The following CPS1 variants were observed in gnomAD, a reference collection of about 807,000 sequenced individuals.
CPS1 encodes the protein carbamoyl-phosphate synthase 1.
In CPS1, 109 loss-of-function variants were observed where a neutral mutation model predicts 174.6. The ratio of observed to expected loss-of-function variants is 0.62; its 90% confidence interval spans 0.53 to 0.73. CPS1 has a LOEUF of 0.73. CPS1 is among the 30% of genes least tolerant of loss of function. The pLI, the probability that CPS1 is intolerant of heterozygous loss-of-function variation, is 0.00. For synonymous variants in CPS1, 637 were observed against 632.0 expected, an observed-to-expected ratio of 1.01 and a Z score of -0.12; for missense variants, 1,689 against 1,821.9, an observed-to-expected ratio of 0.93 and a Z score of 1.33.
chr2:210,495,895 T>G (rs1157818548), intron 1 of CPS1, among the ~76,000 whole-genome samples: 1 of 151,932 alleles, frequency 6.6e-6, no homozygotes, highest in Non-Finnish European at 1.5e-5. Context: ...CATGAAGGGA[T>G]AGAGTGCCAT....
In CPS1 at chr2:210,573,366, C is replaced by T. The variant is rs192759073; in HGVS notation, c.195C>T (p.Ser65=). 1,002 of 1,613,178 alleles carry T rather than the reference C, an allele frequency of 6.2e-4. 4 individuals are homozygous for T. The East Asian group carries it at 7.8e-3, about 13-fold the overall frequency. Residue 65 remains serine (S), a synonymous_variant, in exon 2 of 38, where the codon TCC becomes TCT. Transcript: ENST00000233072. ...KMKGYSFGHP[S]SVAGEVVFNT... is the part of the protein sequence containing the mutation. ...AAGGTTACTCCTTTGGCCATCCATC[C>T]TCTGTTGCTGGTGAAGTGGTTTTTA...
intron 33 of CPS1, 62 bp from the exon 34 acceptor site, chr2:210,668,124 G>T: frequency 5.3e-5 from 52 of 982,106 alleles, no homozygotes; most frequent in Non-Finnish European, 7.5e-5. Flanking sequence ...TTTAATTTTT[G>T]GTAGGAGTGG....
chr2:210,477,793 T>G, intron 1 of CPS1: 2 of 1,612,994 alleles, frequency 1.2e-6, no homozygotes, highest in Non-Finnish European at 1.7e-6. Flanking sequence ...ATATCTCTCA[T>G]GTTTTAAAAG....
chr2:210,668,880 T>C (rs1250669555), intron 34 of CPS1, among the ~76,000 whole-genome samples: 1 of 152,188 alleles, frequency 6.6e-6, no homozygotes, highest in African/African-American at 2.4e-5. Flanking sequence ...CATCTCCCCT[T>C]CCTTCCTTTC....
At chr2:210,598,064 A>C (rs965893918) in intron 13 of CPS1, among the ~76,000 whole-genome samples, 2 of 151,696 alleles carry the variant, frequency 1.3e-5, no homozygotes, top group Non-Finnish European at 2.9e-5. Flanking sequence ...TTCTTCTTAG[A>C]CAAATAAATA....
chr2:210,560,747 T>C (rs1250224189), intron 1 of CPS1, among the ~76,000 whole-genome samples: 1 of 152,174 alleles, frequency 6.6e-6, no homozygotes, highest in Non-Finnish European at 1.5e-5. Flanking sequence ...ATTAGAATAA[T>C]TTACTTACAT....
At chr2:210,541,269 C>G (rs1040429020) in intron 1 of CPS1, among the ~76,000 whole-genome samples, 1 of 152,134 alleles carries the variant, frequency 6.6e-6, no homozygotes, top group Non-Finnish European at 1.5e-5. Flanking sequence ...TTAAAAGTCT[C>G]TCATTTTGAA....
chr2:210,650,329 A>T, intron 27 of CPS1, 34 bp from the exon 28 acceptor site: 1 of 1,569,356 alleles, frequency 6.4e-7, no homozygotes, highest in Admixed American at 1.7e-5. Context: ...ATTAGCATAA[A>T]CCTGACCTGC....
chr2:210,593,276 C>T, intron 11 of CPS1: 1 of 926,558 alleles, frequency 1.1e-6, no homozygotes, highest in Non-Finnish European at 1.4e-6. Flanking sequence ...CTTTTGCTCT[C>T]TCTCGTTCTC....
At chr2:210,577,254 A>G (rs1015873438) in intron 3 of CPS1, 167 bp from the exon 4 acceptor site, 32 of 644,162 alleles carry the variant, frequency 5.0e-5, no homozygotes, top group Non-Finnish European at 7.7e-5. Context: ...ACAATTACAT[A>G]TTTTAAAAGA....
In CPS1 at chr2:210,640,068, A is replaced by G. The variant is rs1250053139; in HGVS notation, c.2959+9A>G. ...TGGTCCATATCACATTGGTAAAATA[A>G]TAAATTATGTGTATATAGGACTTTA... On this transcript the variant is annotated intron_variant, in intron 24 of 37. Coordinates refer to ENST00000233072, the MANE Select transcript of CPS1 (RefSeq NM_001875.5). 3.9e-6 allele frequency: 6 copies of G among 1,555,412 alleles called. No homozygotes were observed. The highest frequency in any genetic ancestry group is 8.9e-7 in the Non-Finnish European group (1 of 1,127,674).
chr2:210,582,516 A>G, intron 5 of CPS1, 101 bp from the exon 6 acceptor site: 1 of 846,716 alleles, frequency 1.2e-6, no homozygotes, highest in Non-Finnish European at 2.1e-6. Flanking sequence ...TTATAAAGAC[A>G]TCTAAGTCTT....
chr2:210,536,253 A>C (rs776005057), intron 1 of CPS1, among the ~76,000 whole-genome samples: 2 of 151,964 alleles, frequency 1.3e-5, no homozygotes, highest in Admixed American at 1.3e-4. Flanking sequence ...CTAGTTACTA[A>C]TAACCTCAAT....
intron 27 of CPS1, among the ~76,000 whole-genome samples, chr2:210,648,829 TAA>T (rs1700467758): frequency 6.6e-6 from 1 of 152,188 alleles, no homozygotes; most frequent in South Asian, 2.1e-4. Flanking sequence ...CAGGACAATT[TAA>T]AAAAGACACA....
intron 1 of CPS1, among the ~76,000 whole-genome samples, chr2:210,509,671 C>T (rs1695395687): frequency 6.6e-6 from 1 of 152,154 alleles, no homozygotes; most frequent in South Asian, 2.1e-4. Context: ...TGATAGGCAA[C>T]TTCAGCAAAG....
At chr2:210,630,699 G>A (rs1288085121) in intron 21 of CPS1, among the ~76,000 whole-genome samples, 1 of 152,080 alleles carries the variant, frequency 6.6e-6, no homozygotes, top group African/African-American at 2.4e-5. Context: ...CCAATTGCCT[G>A]GGTTTTTATA....
Position 210,654,806 on chromosome 2 carries a change from A to G in CPS1, c.3558+704A>G, listed in dbSNP as rs528588825. Among the ~76,000 whole-genome samples, 9 of 152,328 alleles carry G rather than the reference A, an allele frequency of 5.9e-5. No individual in the cohort carries two copies. In the South Asian group the frequency reaches 1.9e-3, roughly 32 times the overall value. Reference sequence around the variant, plus strand: ...TTCTGCTTTGCAAATACTTCAAAACACTACTGAAGATGTTAAATCTTTTTC... The same window carrying G: ...TTCTGCTTTGCAAATACTTCAAAACGCTACTGAAGATGTTAAATCTTTTTC... On this transcript the variant is annotated intron_variant, in intron 29 of 37. Coordinates refer to ENST00000233072, the MANE Select transcript of CPS1 (RefSeq NM_001875.5).
At chr2:210,515,887 G>C (rs2105981843) in intron 1 of CPS1, among the ~76,000 whole-genome samples, 1 of 151,820 alleles carries the variant, frequency 6.6e-6, no homozygotes, top group East Asian at 1.9e-4. Context: ...CAGAGATTTT[G>C]CTATGTTGTA....
At chr2:210,512,232 C>CTTTTATTTT (rs1695513831) in intron 1 of CPS1, among the ~76,000 whole-genome samples, 1 of 151,794 alleles carries the variant, frequency 6.6e-6, no homozygotes, top group South Asian at 2.1e-4. Flanking sequence ...TGGATTCAGA[C>CTTTTATTTT]GTTACATGTG....
Sources: allele counts gnomAD v4.1 joint callset (sites outside exome capture counted in the v4.1 genomes callset), GRCh38; gene constraint gnomAD v4.1.1; transcripts MANE v1.5; gene names NCBI Gene and HGNC (gene_info 2026-07-23, HGNC 2026-07-21).